OR1J2: variants seen among roughly 807,000 people sequenced by gnomAD.
OR1J2 encodes the protein olfactory receptor 1J2.
For synonymous variants in OR1J2, 142 were observed against 99.7 expected (o/e 1.42, Z -2.52); for missense variants, 304 against 246.1 (o/e 1.24, Z -1.57).
chr9:122,514,483 T>G (rs1831368), downstream of OR1J2, among the ~76,000 whole-genome samples: 48,774 of 152,040 alleles, frequency 0.32, 8,118 homozygotes, highest in East Asian at 0.54. Flanking sequence ...CTTCGTAGTA[T>G]TCCATGGTGT....
the OR1J2 span, among the ~76,000 whole-genome samples, chr9:122,504,014 A>G: frequency 4.6e-5 from 7 of 152,190 alleles, no homozygotes; most frequent in African/African-American, 1.7e-4. Flanking sequence ...GGCCATAGGT[A>G]AGGGCTGAGG....
chr9:122,490,022 T>C, the OR1J2 span, among the ~76,000 whole-genome samples: 9 of 152,206 alleles, frequency 5.9e-5, no homozygotes, highest in Non-Finnish European at 1.2e-4. Flanking sequence ...CTAATGCCTC[T>C]CGATTTTGCA....
chr9:122,567,058 G>A, the OR1J2 span: 1 of 152,052 alleles, frequency 6.6e-6, no homozygotes, highest in Non-Finnish European at 1.5e-5. Context: ...TTTTTAGAAG[G>A]AGAAAAATAA....
At chr9:122,553,312 T>C in the OR1J2 span, 1 of 1,614,056 alleles carries the variant, frequency 6.2e-7, no homozygotes, top group Non-Finnish European at 8.5e-7. Flanking sequence ...TTTGGCATCT[T>C]CCTTGGCATG....
At chr9:122,482,305 A>C in the OR1J2 span, among the ~76,000 whole-genome samples, 1 of 152,214 alleles carries the variant, frequency 6.6e-6, no homozygotes, top group African/African-American at 2.4e-5. Flanking sequence ...AATGCAAATT[A>C]AAACCTCCAT....
the OR1J2 span, among the ~76,000 whole-genome samples, chr9:122,523,588 TAGAG>T: frequency 6.6e-6 from 1 of 152,082 alleles, no homozygotes; most frequent in Non-Finnish European, 1.5e-5. Flanking sequence ...GGCATATAGA[TAGAG>T]AAGAGAATAC....
the OR1J2 span, among the ~76,000 whole-genome samples, chr9:122,492,278 C>T: frequency 6.6e-6 from 1 of 152,042 alleles, no homozygotes; most frequent in Non-Finnish European, 1.5e-5. Context: ...TGAGTTAGTT[C>T]ACTTAGGATA....
the OR1J2 span, among the ~76,000 whole-genome samples, chr9:122,459,724 G>A: frequency 6.6e-6 from 1 of 152,070 alleles, no homozygotes; most frequent in African/African-American, 2.4e-5. Flanking sequence ...AGTTTTTGGG[G>A]GAATTGGTGG....
the OR1J2 span, among the ~76,000 whole-genome samples, chr9:122,456,447 CTT>C: frequency 6.6e-6 from 1 of 152,112 alleles, no homozygotes; most frequent in African/African-American, 2.4e-5. Context: ...CAGTTTTTCT[CTT>C]TTTCTTATTT....
At chr9:122,519,140 C>A in the OR1J2 span, 2 of 1,584,446 alleles carry the variant, frequency 1.3e-6, no homozygotes, top group Admixed American at 1.7e-5. Context: ...AGACTGTCAG[C>A]ATGAAGAGGG....
At chr9:122,519,524 C>A in the OR1J2 span, 1 of 1,614,146 alleles carries the variant, frequency 6.2e-7, no homozygotes, top group Admixed American at 1.7e-5. Context: ...CCATCTGTCA[C>A]CCCCTCCGCT....
the OR1J2 span, among the ~76,000 whole-genome samples, chr9:122,556,431 T>G: frequency 6.6e-6 from 1 of 152,114 alleles, no homozygotes; most frequent in Non-Finnish European, 1.5e-5. Flanking sequence ...TCTGTTATAT[T>G]GATCTATTTT....
the OR1J2 span, among the ~76,000 whole-genome samples, chr9:122,502,292 AC>A: frequency 1.3e-5 from 2 of 152,172 alleles, no homozygotes; most frequent in Non-Finnish European, 2.9e-5. Flanking sequence ...ATGGTGGCCA[AC>A]CTAATTTTCT....
the OR1J2 span, among the ~76,000 whole-genome samples, chr9:122,504,628 G>A: frequency 6.6e-6 from 1 of 152,114 alleles, no homozygotes; most frequent in African/African-American, 2.4e-5. Context: ...CCTACTTTAA[G>A]TCCCCTTGTG....
the OR1J2 span, among the ~76,000 whole-genome samples, chr9:122,480,528 A>G: frequency 6.6e-6 from 1 of 150,522 alleles, no homozygotes; most frequent in African/African-American, 2.4e-5. Context: ...GGTTTGTTGT[A>G]CAGATTATTT....
upstream of OR1J2, among the ~76,000 whole-genome samples, chr9:122,510,413 T>C (rs1828609384): frequency 6.6e-6 from 1 of 152,178 alleles, no homozygotes; most frequent in South Asian, 2.1e-4. Context: ...CCTCAATGCT[T>C]TTTTCTAGTT....
chr9:122,521,721 A>G, the OR1J2 span, among the ~76,000 whole-genome samples: 2 of 152,048 alleles, frequency 1.3e-5, no homozygotes, highest in African/African-American at 2.4e-5. Flanking sequence ...CCTGCTGTAC[A>G]CTCTCATCTC....
the OR1J2 span, chr9:122,568,505 G>A: frequency 7.3e-7 from 1 of 1,363,992 alleles, no homozygotes; most frequent in South Asian, 1.4e-5. Context: ...TAAACAAGAA[G>A]TTTTGTCATT....
At chr9:122,557,923 G>T in the OR1J2 span, among the ~76,000 whole-genome samples, 9 of 151,908 alleles carry the variant, frequency 5.9e-5, no homozygotes, top group Non-Finnish European at 1.0e-4. Flanking sequence ...ATTTCTTCTT[G>T]TATGGGTTTT....
Sources: gnomAD v4.1 joint callset for allele counts (sites outside exome capture counted in the v4.1 genomes callset) on GRCh38, gnomAD v4.1.1 for gene constraint, MANE v1.5 for transcripts, NCBI Gene and HGNC (gene_info 2026-07-23, HGNC 2026-07-21) for gene names.